MEF2D: variants seen among roughly 807,000 people sequenced by gnomAD.
MEF2D encodes the protein myocyte-specific enhancer factor 2D.
MEF2D carries 10 observed loss-of-function variants against 59.3 expected under a neutral mutation model. The ratio of observed to expected loss-of-function variants is 0.17; its 90% CI spans 0.10 to 0.29. The LOEUF (loss-of-function observed/expected upper bound fraction) is 0.29. MEF2D is among the 10% of genes least tolerant of loss of function. The pLI, the probability that MEF2D is intolerant of heterozygous loss-of-function variation, is 1.00. For synonymous variants in MEF2D, 305 were observed against 295.0 expected (o/e 1.03, Z -0.35); for missense variants, 508 against 699.4 (o/e 0.73, Z 3.09).
intron 3 of MEF2D, among the ~76,000 whole-genome samples, chr1:156,481,838 G>A (rs1672036692): frequency 6.6e-6 from 1 of 152,216 alleles, no homozygotes; most frequent in Non-Finnish European, 1.5e-5. Context: ...TTCAAAGCAG[G>A]CACTGACCCC....
At chr1:156,493,129 C>G (rs137901272) in intron 1 of MEF2D, among the ~76,000 whole-genome samples, 2 of 152,282 alleles carry the variant, frequency 1.3e-5, no homozygotes, top group African/African-American at 4.8e-5. Context: ...CTGGCTGAAG[C>G]AGATGAAGGG....
At chr1:156,489,500 T>C (rs772282297) in intron 1 of MEF2D, among the ~76,000 whole-genome samples, 13 of 150,696 alleles carry the variant, frequency 8.6e-5, no homozygotes, top group Non-Finnish European at 1.6e-4. Context: ...CAGAGACAGA[T>C]AAGGAGAGGG....
At chr1:156,473,146 C>T (rs1671345380) in intron 9 of MEF2D, among the ~76,000 whole-genome samples, 1 of 151,890 alleles carries the variant, frequency 6.6e-6, no homozygotes, top group African/African-American at 2.4e-5. Context: ...GCCTCCAGAG[C>T]AGCTGGGACT....
intron 1 of MEF2D, among the ~76,000 whole-genome samples, chr1:156,489,243 G>C (rs1571261581): frequency 6.6e-6 from 1 of 152,088 alleles, no homozygotes; most frequent in Non-Finnish European, 1.5e-5. Context: ...CCCTCCTCCC[G>C]CCCCTTCCCT....
chr1:156,476,434 G>A, intron 8 of MEF2D, 60 bp downstream of exon 8: 5 of 1,580,210 alleles, frequency 3.2e-6, no homozygotes, highest in Non-Finnish European at 4.3e-6. Context: ...TCATGCTGGG[G>A]GACCGCAGAG....
At chr1:156,479,966 C>T (rs1019060379) in intron 4 of MEF2D, among the ~76,000 whole-genome samples, 170 bp from the exon 5 acceptor site, 4 of 152,136 alleles carry the variant, frequency 2.6e-5, no homozygotes, top group African/African-American at 9.7e-5. Flanking sequence ...CTGCCAGTCC[C>T]ACCAAGGAAG....
chr1:156,480,606 G>GCACC (rs1557885893), intron 4 of MEF2D: 2 of 1,524,468 alleles, frequency 1.3e-6, no homozygotes, highest in African/African-American at 1.4e-5. Flanking sequence ...GCCACACCAT[G>GCACC]CACCACAGGG....
At chr1:156,478,788 C>T (rs1323837299) in intron 6 of MEF2D, among the ~76,000 whole-genome samples, 1 of 144,830 alleles carries the variant, frequency 6.9e-6, no homozygotes, top group Non-Finnish European at 1.5e-5. Flanking sequence ...TCTCAGCCTC[C>T]CAAAGTGCTG....
At chr1:156,469,398 C>T (rs1371986763) in intron 9 of MEF2D, among the ~76,000 whole-genome samples, 1 of 152,048 alleles carries the variant, frequency 6.6e-6, no homozygotes, top group African/African-American at 2.4e-5. Flanking sequence ...GCTGGGATTA[C>T]AGGCACATGC....
intron 2 of MEF2D, 125 bp from the exon 3 acceptor site, chr1:156,482,765 C>A: frequency 1.1e-6 from 1 of 877,820 alleles, no homozygotes; most frequent in Non-Finnish European, 1.8e-6. Flanking sequence ...GTGACACAGC[C>A]CCTGGTCTCA....
chr1:156,475,076 T>G (rs921522317), intron 9 of MEF2D, 32 bp downstream of exon 9: 93 of 1,613,606 alleles, frequency 5.8e-5, no homozygotes, highest in Non-Finnish European at 7.0e-5. Context: ...CAAGCCCAAG[T>G]GCACACATGC....
rs755706751 is a variant in MEF2D, at chr1:156,482,651, G to A, written c.55-11C>T. 5 of 1,613,992 alleles carry A rather than the reference G, an allele frequency of 3.1e-6. No homozygotes were observed. The Admixed American group carries it at 5.0e-5, about 16-fold the overall frequency. Reference sequence around the variant, plus strand: ...CTTGGTGAAAGTCACCTGCAGAGAAGGATGGGTGGGCGGCCAGATCTGGCT... The same window carrying A: ...CTTGGTGAAAGTCACCTGCAGAGAAAGATGGGTGGGCGGCCAGATCTGGCT... On this transcript the variant is annotated splice_polypyrimidine_tract_variant and intron_variant, in intron 2 of 11. Coordinates refer to ENST00000348159, the MANE Select transcript of MEF2D (RefSeq NM_005920.4).
chr1:156,475,458 C>G (rs1671507672), intron 8 of MEF2D, among the ~76,000 whole-genome samples: 1 of 152,248 alleles, frequency 6.6e-6, no homozygotes, highest in South Asian at 2.1e-4. Context: ...GACACCAACA[C>G]ACGTGCAAAG....
chr1:156,498,977 C>T (rs923201972), intron 1 of MEF2D, among the ~76,000 whole-genome samples: 6 of 152,174 alleles, frequency 3.9e-5, no homozygotes, highest in African/African-American at 1.2e-4. Flanking sequence ...GGTGTGACCC[C>T]GTGGCCACAA....
At position 156,465,083 on chromosome 1, in the gene MEF2D, C is replaced by T. The variant is rs1468269691; in HGVS notation, c.*2562G>A. The T allele has an allele frequency of 1.3e-5, 2 of 152,298 alleles. No homozygotes were observed. Among genetic ancestry groups the T allele is most frequent in the Non-Finnish European group, 2.9e-5 (2 of 68,104 alleles). 9.4% of individuals were successfully genotyped at this position (152,298 alleles called of 1,614,324 possible). ...CCCTGGCTTCTTTCAAGCCCTGGATCGAGGCTCATCAGTTTTTGAAACTCC... is the reference window on the plus strand; with the variant it reads ...CCCTGGCTTCTTTCAAGCCCTGGATTGAGGCTCATCAGTTTTTGAAACTCC... On this transcript the variant is annotated 3_prime_UTR_variant, in exon 12 of 12. Transcript: ENST00000348159.
At chr1:156,471,048 C>T (rs780149616) in intron 9 of MEF2D, among the ~76,000 whole-genome samples, 1 of 152,112 alleles carries the variant, frequency 6.6e-6, no homozygotes, top group Non-Finnish European at 1.5e-5. Flanking sequence ...GCCCTAGGAT[C>T]AACTATTTCT....
At chr1:156,480,298 G>A (rs1330988343) in intron 4 of MEF2D, among the ~76,000 whole-genome samples, 1 of 152,158 alleles carries the variant, frequency 6.6e-6, no homozygotes, top group Non-Finnish European at 1.5e-5. Flanking sequence ...ACACAAGGCT[G>A]AGTGTCTCTG....
At chr1:156,494,294 C>G (rs933707472) in intron 1 of MEF2D, among the ~76,000 whole-genome samples, 3 of 152,112 alleles carry the variant, frequency 2.0e-5, no homozygotes, top group Non-Finnish European at 4.4e-5. Context: ...TGCATTTCTA[C>G]TTGAAACTCA....
At chr1:156,496,808 T>G (rs1038721084) in intron 1 of MEF2D, among the ~76,000 whole-genome samples, 4 of 152,236 alleles carry the variant, frequency 2.6e-5, no homozygotes, top group African/African-American at 9.6e-5. Flanking sequence ...CCTGTCTACA[T>G]GAGACCCTTA....
Sources: gnomAD v4.1 joint callset for allele counts (sites outside exome capture counted in the v4.1 genomes callset) on GRCh38, gnomAD v4.1.1 for gene constraint, MANE v1.5 for transcripts, NCBI Gene and HGNC (gene_info 2026-07-23, HGNC 2026-07-21) for gene names.